ACOT6: variants seen among roughly 807,000 people sequenced by gnomAD.
ACOT6 encodes the protein acyl-CoA thioesterase 6, also known as acyl-coenzyme A thioesterase 6.
Under a neutral mutation model 12.3 loss-of-function variants are expected in ACOT6, and 14 were observed. The observed-to-expected ratio is 1.14, with a 90% confidence interval of 0.75 to 1.78. ACOT6 has a LOEUF of 1.78. ACOT6 is among the 40% of genes most tolerant of loss of function. The probability of loss-of-function intolerance (pLI) is 0.00; values close to 1 mark genes in which losing one functional copy is unlikely to be tolerated. For missense variants in ACOT6, 523 were observed against 551.8 expected, an observed-to-expected ratio of 0.95 and a Z score of 0.52; for synonymous variants, 218 against 231.3, an observed-to-expected ratio of 0.94 and a Z score of 0.52.
At chr14:73,618,903 G>A (rs1890583540) in intron 2 of ACOT6, among the ~76,000 whole-genome samples, 1 of 152,214 alleles carries the variant, frequency 6.6e-6, no homozygotes, top group South Asian at 2.1e-4. Context: ...GGCCAAGGCA[G>A]GCGGATCACT....
intron 1 of ACOT6, 69 bp downstream of exon 1, chr14:73,613,101 T>G: frequency 3.8e-6 from 2 of 532,066 alleles, no homozygotes; most frequent in Non-Finnish European, 6.4e-6. Flanking sequence ...GGGAATCGCG[T>G]GATTGTGGAA....
intron 2 of ACOT6, 23 bp from the exon 3 acceptor site, chr14:73,619,211 T>C (rs766201769): frequency 3.9e-6 from 6 of 1,531,050 alleles, no homozygotes; most frequent in Non-Finnish European, 5.2e-6. Flanking sequence ...TAAGCTTGTT[T>C]TCCTTCTCTT....
chr14:73,614,640 G>A (rs1241669842), intron 1 of ACOT6, among the ~76,000 whole-genome samples: 1 of 151,830 alleles, frequency 6.6e-6, no homozygotes, highest in Non-Finnish European at 1.5e-5. Flanking sequence ...CCAGCTACTA[G>A]GGAGGCTGAG....
Position 73,619,493 on chromosome 14 carries a change from G to A in ACOT6, c.920G>A (p.Ser307Asn). The A allele has an allele frequency of 6.2e-7, 1 of 1,614,212 alleles. No homozygotes were observed. The highest frequency in any genetic ancestry group is 8.5e-7 in the Non-Finnish European group (1 of 1,180,046). Residue 307 changes from serine to asparagine, a missense_variant, in exon 3 of 3, where the codon AGT becomes AAT. Coordinates refer to ENST00000645972, the MANE Select transcript of ACOT6 (RefSeq NM_001365788.1). ...SNPLEEHNHQ[S>N]LVPLEKAQVP... The stretch of plus-strand genomic sequence containing the variant: ...CCACTGGAGGAACACAATCACCAAA[G>A]TCTTGTTCCATTGGAAAAGGCGCAG...
Position 73,612,878 on chromosome 14 carries a change from G to A in ACOT6, c.307G>A (p.Ala103Thr). ...GAAGCGCGACGTGCGGACGCCCTTCGCCGTGGAGCTGGAAGTGCTGGACGG... is the reference window on the plus strand; with the variant it reads ...GAAGCGCGACGTGCGGACGCCCTTCACCGTGGAGCTGGAAGTGCTGGACGG... ...LVKRDVRTPF[A>T]VELEVLDGHD... is the part of the protein sequence containing the mutation. The change falls in exon 1 of 3, where the codon GCC (alanine) becomes ACC (threonine). Residue 103 changes from alanine to threonine, a missense_variant. This residue lies in a region of ACOT6 where 304 missense variants were observed against 274.8 expected (regional missense o/e 1.11). Transcript: ENST00000645972. 1 of 1,397,850 alleles carries A rather than the reference G, an allele frequency of 7.2e-7. No individual in the cohort carries two copies. Among genetic ancestry groups the A allele is most frequent in the South Asian group, 1.3e-5 (1 of 74,616 alleles). 86.6% of individuals were successfully genotyped at this position (1,397,850 alleles called of 1,614,324 possible). A position where few individuals can be genotyped will look rare whatever the true frequency, so the allele number is the denominator to read the frequency against.
chr14:73,616,917 T>C (rs1890550702), intron 1 of ACOT6, 77 bp from the exon 2 acceptor site: 1 of 582,604 alleles, frequency 1.7e-6, no homozygotes. Context: ...CCCAATCTCC[T>C]TGGCTTCAAA....
Position 73,612,755 on chromosome 14 carries a change from C to T in ACOT6, c.184C>T (p.Leu62=), listed in dbSNP as rs938828406. Residue 62 remains leucine (L), a synonymous_variant, in exon 1 of 3, where the codon CTG becomes TTG. Transcript: ENST00000645972. ...YRADARDELD[L]ERAPALGGSF... ...TGCCGACGCCCGCGACGAGCTGGAC[C>T]TGGAGCGCGCGCCCGCGCTGGGAGG... The T allele has an allele frequency of 2.2e-6, 3 of 1,373,160 alleles. No homozygotes were observed. Among genetic ancestry groups the T allele is most frequent in the Non-Finnish European group, 2.8e-6 (3 of 1,071,932 alleles). The allele number at this position is 1,373,160 out of a possible 1,614,324, so 85.1% of individuals were successfully genotyped here.
In ACOT6 at chr14:73,619,604, C is replaced by G; in HGVS notation, c.1031C>G (p.Ala344Gly). ...CAGATAGCCTCTGAAAGGCTACAAGCTCATGGGAAAGAAAGACCCCAGATA... is the reference window on the plus strand; with the variant it reads ...CAGATAGCCTCTGAAAGGCTACAAGGTCATGGGAAAGAAAGACCCCAGATA... ...YAQIASERLQ[A>G]HGKERPQIIC... Residue 344 changes from alanine (A) to glycine (G), a missense_variant, in exon 3 of 3, where the codon GCT (alanine) becomes GGT (glycine). Coordinates refer to ENST00000645972, the MANE Select transcript of ACOT6 (RefSeq NM_001365788.1). 1 of 1,614,192 alleles carries G rather than the reference C, an allele frequency of 6.2e-7. No homozygotes were observed.
In ACOT6 at chr14:73,612,836, G is replaced by A. The variant is rs1304638359; in HGVS notation, c.265G>A (p.Ala89Thr). The A allele has an allele frequency of 1.4e-6, 2 of 1,428,954 alleles. No homozygotes were observed. The highest frequency in any genetic ancestry group is 3.0e-5 in the African/African-American group (2 of 67,252). 88.5% of individuals were successfully genotyped at this position (1,428,954 alleles called of 1,614,324 possible). A position where few individuals can be genotyped will look rare whatever the true frequency, so the allele number is the denominator to read the frequency against. The change falls in exon 1 of 3, where the codon GCC becomes ACC. Residue 89 changes from alanine to threonine, a missense_variant. Physicochemically the swap from Ala to Thr is moderately conservative, Grantham distance 58. Transcript: ENST00000645972. The part of the protein sequence containing the change: ...GLLWALEPEK[A>T]LVRLVKRDVR... The stretch of plus-strand genomic sequence containing the variant: ...GCTGTGGGCGTTGGAGCCCGAGAAA[G>A]CCTTGGTGCGGCTGGTGAAGCGCGA...
chr14:73,612,968 G>T lies in ACOT6; in HGVS notation c.397G>T (p.Gly133Trp). The T allele has an allele frequency of 8.3e-7, 1 of 1,197,906 alleles. No homozygotes were observed. 74.2% of individuals were successfully genotyped at this position (1,197,906 alleles called of 1,614,324 possible). ...AQNKRDFLRP[G>W]VRREPVRAGP... ...GAACAAGCGCGACTTTCTCCGGCCG[G>T]GGGTGCGGCGCGAGCCGGTGCGCGC... The change falls in exon 1 of 3, where the codon GGG (glycine) becomes TGG (tryptophan). Residue 133 changes from glycine (G) to tryptophan (W), a missense_variant. This residue lies in a region of ACOT6 where 304 missense variants were observed against 274.8 expected (regional missense o/e 1.11). Transcript: ENST00000645972.
At chr14:73,614,354 G>A (rs1222586663) in intron 1 of ACOT6, among the ~76,000 whole-genome samples, 1 of 152,174 alleles carries the variant, frequency 6.6e-6, no homozygotes, top group East Asian at 1.9e-4. Flanking sequence ...CCACTGTACT[G>A]TGAATTCCTG....
intron 2 of ACOT6, among the ~76,000 whole-genome samples, chr14:73,617,424 G>A (rs1890559268): frequency 6.6e-6 from 1 of 152,152 alleles, no homozygotes; most frequent in African/African-American, 2.4e-5. Context: ...AGACCAGCCT[G>A]GGCAACATTT....
At chr14:73,617,750 T>C (rs923163726) in intron 2 of ACOT6, among the ~76,000 whole-genome samples, 5 of 152,192 alleles carry the variant, frequency 3.3e-5, no homozygotes, top group Admixed American at 3.3e-4. Flanking sequence ...GAGAATGGTG[T>C]ATTTGATTAT....
Position 73,617,070 on chromosome 14 carries a change from G to A in ACOT6, c.538G>A (p.Gly180Arg), listed in dbSNP as rs920867024. The change falls in exon 2 of 3, where the codon GGA (glycine) becomes AGA (arginine). Residue 180 changes from glycine (G) to arginine (R), a missense_variant. Physicochemically the swap from Gly to Arg is moderately radical, Grantham distance 125. Transcript: ENST00000645972. The stretch of plus-strand genomic sequence containing the variant: ...TGAATACAGGGCCAGCCTCCTGGCC[G>A]GACATGGTTTTGCTGTGCTTGCCCT... ...LCEYRASLLA[G>R]HGFAVLALAY... 19 of 1,423,966 alleles carry A rather than the reference G, an allele frequency of 1.3e-5. No individual in the cohort carries two copies. Among genetic ancestry groups the A allele is most frequent in the Non-Finnish European group, 1.7e-5 (17 of 1,008,720 alleles). 88.2% of individuals were successfully genotyped at this position (1,423,966 alleles called of 1,614,324 possible).
chr14:73,617,061 C>G lies in ACOT6; in HGVS notation c.529C>G (p.Leu177Val). ...SRGLCEYRAS[L>V]LAGHGFAVLA... ...GGGCCTTTGTGAATACAGGGCCAGC[C>G]TCCTGGCCGGACATGGTTTTGCTGT... Residue 177 changes from leucine to valine, a missense_variant, in exon 2 of 3, where the codon CTC becomes GTC. Physicochemically the swap from Leu to Val is conservative, Grantham distance 32. Coordinates refer to ENST00000645972, the MANE Select transcript of ACOT6 (RefSeq NM_001365788.1). 7.5e-7 allele frequency: 1 copy of G among 1,338,452 alleles called. No homozygotes were observed. The highest frequency in any genetic ancestry group is 1.2e-5 in the South Asian group (1 of 84,704). The allele number at this position is 1,338,452 out of a possible 1,614,324, so 82.9% of individuals were successfully genotyped here. A position where few individuals can be genotyped will look rare whatever the true frequency, so the allele number is the denominator to read the frequency against.
At position 73,619,602 on chromosome 14, in the gene ACOT6, A is replaced by G; in HGVS notation, c.1029A>G (p.Gln343=). The G allele has an allele frequency of 6.2e-7, 1 of 1,614,218 alleles. No individual in the cohort carries two copies. The highest frequency in any genetic ancestry group is 8.5e-7 in the Non-Finnish European group (1 of 1,180,046). Residue 343 remains glutamine (Q), a synonymous_variant, in exon 3 of 3, where the codon CAA becomes CAG. Transcript: ENST00000645972. ...FYAQIASERL[Q]AHGKERPQII... Reference sequence around the variant, plus strand: ...CTCAGATAGCCTCTGAAAGGCTACAAGCTCATGGGAAAGAAAGACCCCAGA... The same window carrying G: ...CTCAGATAGCCTCTGAAAGGCTACAGGCTCATGGGAAAGAAAGACCCCAGA...
upstream of ACOT6, chr14:73,611,744 C>T (rs927593550): frequency 3.9e-5 from 6 of 152,160 alleles, no homozygotes. Flanking sequence ...TGCTAAAGAT[C>T]ACCAGGTATT....
intron 2 of ACOT6, among the ~76,000 whole-genome samples, chr14:73,618,289 C>G (rs146203818): frequency 7.2e-5 from 11 of 152,184 alleles, no homozygotes; most frequent in South Asian, 2.1e-4. Flanking sequence ...TTCTCTCCCC[C>G]ACAACCCCTA....
intron 1 of ACOT6, among the ~76,000 whole-genome samples, chr14:73,615,088 C>CAAA (rs34563327): frequency 1.4e-5 from 2 of 141,434 alleles, no homozygotes; most frequent in Non-Finnish European, 1.5e-5. Context: ...GACTCCATCT[C>CAAA]AAAAAAAAAA....
Sources: allele counts gnomAD v4.1 joint callset (sites outside exome capture counted in the v4.1 genomes callset), GRCh38; gene constraint gnomAD v4.1.1; regional missense constraint gnomAD v4.1.1; transcripts MANE v1.5; gene names NCBI Gene and HGNC (gene_info 2026-07-23, HGNC 2026-07-21).